The following PALS1 variants were observed in gnomAD, a reference collection of about 807,000 sequenced individuals.
The protein encoded by PALS1 is protein PALS1.
PALS1 carries 31 observed loss-of-function variants against 78.9 expected under a neutral mutation model. That is an observed-to-expected ratio of 0.39 (90% CI 0.30 to 0.53). The LOEUF (loss-of-function observed/expected upper bound fraction) is 0.53. Among genes scored for constraint, PALS1 ranks in the 20% least tolerant of loss-of-function variants. The pLI, the probability that PALS1 is intolerant of heterozygous loss-of-function variation, is 0.67. For missense variants in PALS1, 704 were observed against 826.5 expected, an observed-to-expected ratio of 0.85 and a Z score of 1.82; for synonymous variants, 276 against 270.9, an observed-to-expected ratio of 1.02 and a Z score of -0.18.
intron 8 of PALS1, among the ~76,000 whole-genome samples, chr14:67,307,492 T>C (rs2085022009): frequency 6.6e-6 from 1 of 152,254 alleles, no homozygotes; most frequent in African/African-American, 2.4e-5. Context: ...GCTATTATTA[T>C]GATTATGTAC....
intron 4 of PALS1, 50 bp from the exon 5 acceptor site, chr14:67,301,339 C>A: frequency 7.8e-7 from 1 of 1,281,446 alleles, no homozygotes; most frequent in Non-Finnish European, 1.1e-6. Flanking sequence ...ACAGGTGCTA[C>A]TGATACTTCC....
intron 8 of PALS1, among the ~76,000 whole-genome samples, chr14:67,306,599 C>T (rs989565509): frequency 5.9e-5 from 9 of 151,738 alleles, no homozygotes; most frequent in African/African-American, 2.2e-4. Flanking sequence ...GAACTCCTGA[C>T]CTCTGATGAT....
intron 14 of PALS1, among the ~76,000 whole-genome samples, chr14:67,330,766 TTTTCTC>T (rs1047332250): frequency 2.3e-4 from 35 of 152,216 alleles, no homozygotes; most frequent in African/African-American, 6.8e-4. Context: ...GCTTCCTTGT[TTTTCTC>T]TTTAACACAT....
At chr14:67,283,543 T>A (rs1027960337) in intron 3 of PALS1, among the ~76,000 whole-genome samples, 1 of 152,210 alleles carries the variant, frequency 6.6e-6, no homozygotes, top group African/African-American at 2.4e-5. Flanking sequence ...CAAATTTTTG[T>A]TTAGCTATTG....
intron 2 of PALS1, among the ~76,000 whole-genome samples, chr14:67,277,679 G>C (rs1280882400): frequency 6.6e-6 from 1 of 152,054 alleles, no homozygotes; most frequent in African/African-American, 2.4e-5. Context: ...CTGAGAAATA[G>C]CTTGATGAAA....
At chr14:67,242,700 G>A (rs1057301759) in intron 1 of PALS1, among the ~76,000 whole-genome samples, 4 of 151,858 alleles carry the variant, frequency 2.6e-5, no homozygotes, top group Non-Finnish European at 5.9e-5. Context: ...ATTTGCGGCA[G>A]GATGAGCTAT....
chr14:67,265,777 A>T (rs944490437), intron 1 of PALS1, among the ~76,000 whole-genome samples: 1 of 150,852 alleles, frequency 6.6e-6, no homozygotes, highest in Non-Finnish European at 1.5e-5. Context: ...GAATCACTTG[A>T]ACCCGGGAGG....
rs971267364 is a variant in PALS1, at chr14:67,286,195, G to A, written c.368-6316G>A. 3.3e-5 allele frequency among the ~76,000 whole-genome samples: 5 copies of A among 152,246 alleles called. No homozygotes were observed. The South Asian group carries it at 6.2e-4, about 19-fold the overall frequency. The stretch of plus-strand genomic sequence containing the variant: ...CTCCTGGGCAGAGTGCCTCCATCCC[G>A]CCTTAGTACTTACTTTTTTGTCCAC... On this transcript the variant is annotated intron_variant, in intron 3 of 14. Coordinates refer to ENST00000261681, the MANE Select transcript of PALS1 (RefSeq NM_022474.4).
At chr14:67,278,510 C>G (rs1383893513) in intron 2 of PALS1, among the ~76,000 whole-genome samples, 4 of 152,186 alleles carry the variant, frequency 2.6e-5, no homozygotes, top group African/African-American at 7.2e-5. Context: ...CCCCAGAATA[C>G]TGCTTGTATT....
chr14:67,252,801 T>G (rs2084086230), intron 1 of PALS1, among the ~76,000 whole-genome samples: 1 of 152,242 alleles, frequency 6.6e-6, no homozygotes, highest in South Asian at 2.1e-4. Flanking sequence ...AACTTTAGCC[T>G]TGCTGTGAGC....
intron 3 of PALS1, among the ~76,000 whole-genome samples, chr14:67,286,855 C>CA (rs201923149): frequency 0.28 from 18,541 of 66,598 alleles, 2,789 homozygotes; most frequent in African/African-American, 0.47. Context: ...GACCTGGTCT[C>CA]AAAAAAAAAA....
In PALS1 at chr14:67,266,056, C is replaced by G. The variant is rs547362269; in HGVS notation, c.-236-3645C>G. On this transcript the variant is annotated intron_variant, in intron 1 of 14. Transcript: ENST00000261681. ...CTCCTGGTCTCAGTGATACTCCTGT[C>G]TCTGCTTCCCAAAGTGTTGGGATTA... Among the ~76,000 whole-genome samples the G allele has an allele frequency of 6.8e-4, 104 of 152,220 alleles. 1 individual carries two copies. The South Asian group carries it at 0.021, about 30-fold the overall frequency.
chr14:67,329,788 C>T (rs574749223), intron 14 of PALS1, among the ~76,000 whole-genome samples: 1 of 151,816 alleles, frequency 6.6e-6, no homozygotes, highest in African/African-American at 2.4e-5. Context: ...AGGCCGAGTT[C>T]GTGCTACTGC....
At chr14:67,278,037 T>TC (rs1214691861) in intron 2 of PALS1, among the ~76,000 whole-genome samples, 1 of 151,446 alleles carries the variant, frequency 6.6e-6, no homozygotes, top group Non-Finnish European at 1.5e-5. Context: ...TAACCCCAAT[T>TC]CTTTTTTTTT....
intron 1 of PALS1, among the ~76,000 whole-genome samples, chr14:67,247,789 G>A (rs1167139343): frequency 6.6e-6 from 1 of 152,002 alleles, no homozygotes; most frequent in Non-Finnish European, 1.5e-5. Flanking sequence ...ATGTTGCCCA[G>A]GCTGGTCTCA....
chr14:67,319,031 C>G (rs2085222018), intron 11 of PALS1, among the ~76,000 whole-genome samples: 1 of 150,536 alleles, frequency 6.6e-6, no homozygotes, highest in African/African-American at 2.5e-5. Flanking sequence ...GCACTCCAGC[C>G]TGGGCGACAG....
intron 11 of PALS1, among the ~76,000 whole-genome samples, chr14:67,319,816 G>A (rs908607683): frequency 1.3e-5 from 2 of 152,144 alleles, no homozygotes; most frequent in Admixed American, 6.5e-5. Context: ...GTCTATGCTA[G>A]CCATTGTATT....
Position 67,301,383 on chromosome 14 carries a change from T to C in PALS1, c.577-6T>C. 1 of 1,597,070 alleles carries C rather than the reference T, an allele frequency of 6.3e-7. No homozygotes were observed. ...AGGAAGAATAATCTTTATTTTTGTT[T>C]CTTAGGTACAAACTGTTTTGAAGCC... is the stretch of plus-strand genomic sequence containing the variant. On this transcript the variant is annotated splice_polypyrimidine_tract_variant and splice_region_variant and intron_variant, in intron 4 of 14. Coordinates refer to ENST00000261681, the MANE Select transcript of PALS1 (RefSeq NM_022474.4).
intron 4 of PALS1, among the ~76,000 whole-genome samples, chr14:67,300,935 G>A (rs117311742): frequency 0.031 from 4,749 of 151,968 alleles, 97 homozygotes; most frequent in Non-Finnish European, 0.036. Context: ...TAAGCAATCC[G>A]CTTGCCTCAG....
Sources: allele counts gnomAD v4.1 joint callset (sites outside exome capture counted in the v4.1 genomes callset), GRCh38; gene constraint gnomAD v4.1.1; transcripts MANE v1.5; gene names NCBI Gene and HGNC (gene_info 2026-07-23, HGNC 2026-07-21).